The following COX7A2L variants were observed in gnomAD, a reference collection of about 807,000 sequenced individuals.
COX7A2L encodes cytochrome c oxidase subunit 7A2 like.
COX7A2L carries 18 observed loss-of-function variants against 14.2 expected under a neutral mutation model. The observed-to-expected ratio is 1.27, with a 90% CI of 0.88 to 1.88. The LOEUF is 1.88. COX7A2L is among the 40% of genes most tolerant of loss of function. The pLI is 0.00. For synonymous variants in COX7A2L, 65 were observed against 57.4 expected, an observed-to-expected ratio of 1.13 and a Z score of -0.60; for missense variants, 179 against 138.8, an observed-to-expected ratio of 1.29 and a Z score of -1.46.
intron 1 of COX7A2L, among the ~76,000 whole-genome samples, chr2:42,357,421 G>C (rs1023067711): frequency 6.6e-6 from 1 of 152,044 alleles, no homozygotes; most frequent in East Asian, 1.9e-4. Flanking sequence ...TGATCCTTCC[G>C]CGTCAGCCTC....
At chr2:42,365,213 G>A (rs377127199), upstream of COX7A2L, among the ~76,000 whole-genome samples, 9 of 152,312 alleles carry the variant, frequency 5.9e-5, no homozygotes, top group East Asian at 1.7e-3. Context: ...TCCAGTTTGG[G>A]GGACGGGTGG....
At chr2:42,356,176 G>A (rs1349596101) in intron 1 of COX7A2L, among the ~76,000 whole-genome samples, 1 of 152,100 alleles carries the variant, frequency 6.6e-6, no homozygotes, top group Non-Finnish European at 1.5e-5. Context: ...AGGTATCCAC[G>A]TGGCTTATAC....
In COX7A2L at chr2:42,351,231, G is replaced by A. The variant is rs1452118607; in HGVS notation, c.333C>T (p.Pro111=). ...TCTGCAGCCTAACTCATTTGTTTTTGGGCTGCGAAGCCATGTAGAGGGCGA... is the reference window on the plus strand; with the variant it reads ...TCTGCAGCCTAACTCATTTGTTTTTAGGCTGCGAAGCCATGTAGAGGGCGA... ...CLIALYMASQ[P]KNK Residue 111 remains proline, a synonymous_variant, in exon 3 of 3, where the codon CCC becomes CCT. Coordinates refer to ENST00000234301, the MANE Select transcript of COX7A2L (RefSeq NM_004718.4). 3 of 1,613,378 alleles carry A rather than the reference G, an allele frequency of 1.9e-6. No individual in the cohort carries two copies. The highest frequency in any genetic ancestry group is 2.7e-5 in the African/African-American group (2 of 74,878).
chr2:42,353,210 A>C lies in COX7A2L; in HGVS notation c.204+2T>G. On this transcript the variant is annotated splice_donor_variant, in intron 2 of 2. Transcript: ENST00000234301. LOFTEE classifies it high-confidence loss of function. ...TTTCTGTTGTAGAGTATCTTCCCTCACCTGGAAAAACTTTTGTAGCTCTGG... is the reference window on the plus strand; with the variant it reads ...TTTCTGTTGTAGAGTATCTTCCCTCCCCTGGAAAAACTTTTGTAGCTCTGG... The C allele has an allele frequency of 6.2e-7, 1 of 1,613,760 alleles. No individual in the cohort carries two copies. The highest frequency in any genetic ancestry group is 1.1e-5 in the South Asian group (1 of 90,942).
At chr2:42,362,749 C>A (rs531694995), upstream of COX7A2L, among the ~76,000 whole-genome samples, 4 of 152,096 alleles carry the variant, frequency 2.6e-5, no homozygotes, top group East Asian at 7.7e-4. Context: ...TCATGTAAGC[C>A]AGCCCAAAGT....
chr2:42,342,518 CCTT>C lies in COX7A2L; in HGVS notation c.193-8652_193-8650del, dbSNP rs1670420225. Among the ~76,000 whole-genome samples the C allele has an allele frequency of 6.6e-6, 1 of 152,168 alleles. No homozygotes were observed. The highest frequency in any genetic ancestry group is 2.4e-5 in the African/African-American group (1 of 41,432). On this transcript the variant is annotated intron_variant, in intron 2 of 2. Transcript: ENST00000468711. This position sits in a 1 kb window ranked among gnomAD's most constrained non-coding sequence, Gnocchi z 4.9. ...GCCCTTCCAAGGCTTCTTCCTAAAA[CCTT>C]CTCTGCCAAAGGGGAGGCAACGCCA...
Position 42,338,936 on chromosome 2 carries a change from C to T in COX7A2L, c.193-5067G>A, listed in dbSNP as rs1373802772. ...CTGGCGAGCTCAGCACATAAGAGAACGAGAGATTAGCTGTCCCTGCATCAG... is the reference window on the plus strand; with the variant it reads ...CTGGCGAGCTCAGCACATAAGAGAATGAGAGATTAGCTGTCCCTGCATCAG... On this transcript the variant is annotated intron_variant, in intron 2 of 2. Transcript: ENST00000468711. The surrounding 1 kb of genome is among the most constrained non-coding windows in gnomAD (Gnocchi z 4.4). Among the ~76,000 whole-genome samples, 6 of 152,210 alleles carry T rather than the reference C, an allele frequency of 3.9e-5. No individual in the cohort carries two copies. Among genetic ancestry groups the T allele is most frequent in the Non-Finnish European group, 8.8e-5 (6 of 68,040 alleles).
At chr2:42,367,578 T>C (rs2103924102) in intron 1 of COX7A2L, among the ~76,000 whole-genome samples, 1 of 152,286 alleles carries the variant, frequency 6.6e-6, no homozygotes, top group South Asian at 2.1e-4. Flanking sequence ...GGAGAGGGTA[T>C]GACATTCCCA....
intron 2 of COX7A2L, among the ~76,000 whole-genome samples, chr2:42,336,457 A>G (rs6733464): frequency 0.13 from 20,221 of 152,092 alleles, 1,338 homozygotes; most frequent in East Asian, 0.19. Context: ...TGAGTGCCCG[A>G]AGAAAGGGCC....
At chr2:42,353,372 T>C (rs1670711606) in intron 1 of COX7A2L, 29 bp from the exon 2 acceptor site, 3 of 1,611,552 alleles carry the variant, frequency 1.9e-6, no homozygotes, top group Non-Finnish European at 1.7e-6. Context: ...AAATGGCAAG[T>C]TGAAAGTATG....
intron 1 of COX7A2L, among the ~76,000 whole-genome samples, chr2:42,368,225 A>C (rs1321287866): frequency 6.6e-6 from 1 of 152,068 alleles, no homozygotes; most frequent in East Asian, 1.9e-4. Context: ...TTTTTTTATG[A>C]AGAATCTTTT....
rs893247157 is a variant in COX7A2L, at chr2:42,355,766, C to T, written c.73-2423G>A. ...TTTGAGACGGAATCTCGCTCTGTTG[C>T]CCTGGCTGGAGTGCAGTGGTGCAAT... On this transcript the variant is annotated intron_variant, in intron 1 of 2. Transcript: ENST00000234301. 3.2e-4 allele frequency among the ~76,000 whole-genome samples: 37 copies of T among 117,084 alleles called. No homozygotes were observed. In the Admixed American group the frequency reaches 3.3e-3, roughly 10 times the overall value. The allele number at this position is 117,084 out of a possible 152,430, so 76.8% of individuals were successfully genotyped here.
chr2:42,347,162 G>T (rs1670514370), downstream of COX7A2L, among the ~76,000 whole-genome samples: 1 of 152,160 alleles, frequency 6.6e-6, no homozygotes, highest in Admixed American at 6.5e-5. Context: ...ATGGCGCCCG[G>T]CCTAGTAAGG....
At position 42,360,481 on chromosome 2, in the gene COX7A2L, G is replaced by C. The variant is rs146538404; in HGVS notation, c.72+609C>G. ...CAATTGGTAGAATCTGCGTGAAATG[G>C]AATACTTTTCAGACAACCCAAACAA... is the stretch of plus-strand genomic sequence containing the variant. On this transcript the variant is annotated intron_variant, in intron 1 of 2. Transcript: ENST00000234301. Among the ~76,000 whole-genome samples the C allele has an allele frequency of 6.4e-3, 976 of 152,256 alleles. 15 individuals are homozygous for C. Among genetic ancestry groups the C allele is most frequent in the African/African-American group, 0.023 (935 of 41,544 alleles).
In COX7A2L at chr2:42,351,312, T is replaced by G. The variant is rs893598209; in HGVS notation, c.252A>C (p.Gln84His). ...PVYLKRGLPD[Q>H]MLYRTTMALT... ...GCGCCATGGTGGTCCGGTAAAGCAT[T>G]TGGTCAGGCAGGCCTCGTTTCAGGT... Residue 84 changes from glutamine to histidine, a missense_variant, in exon 3 of 3, where the codon CAA (glutamine) becomes CAC (histidine). Physicochemically the swap from Gln to His is conservative, Grantham distance 24 (BLOSUM62 0). Coordinates refer to ENST00000234301, the MANE Select transcript of COX7A2L (RefSeq NM_004718.4). The G allele has an allele frequency of 2.5e-6, 4 of 1,614,092 alleles. No homozygotes were observed. The highest frequency in any genetic ancestry group is 3.4e-6 in the Non-Finnish European group (4 of 1,180,018).
chr2:42,340,002 G>A (rs1025963310), intron 2 of COX7A2L, among the ~76,000 whole-genome samples: 4 of 151,960 alleles, frequency 2.6e-5, no homozygotes, highest in African/African-American at 4.8e-5. Flanking sequence ...GAACAATGTC[G>A]CAGACACCCC....
chr2:42,351,684 G>T (rs756772884), intron 2 of COX7A2L, among the ~76,000 whole-genome samples: 6 of 152,196 alleles, frequency 3.9e-5, no homozygotes, highest in Non-Finnish European at 8.8e-5. Context: ...AGAAGTGCAG[G>T]CAGGAGAGGC....
Position 42,360,934 on chromosome 2 carries a change from G to T in COX7A2L, c.72+156C>A, listed in dbSNP as rs1302069834. 4.1e-6 allele frequency: 3 copies of T among 739,224 alleles called. No individual in the cohort carries two copies. The African/African-American group carries it at 5.3e-5, about 13-fold the overall frequency. The allele number at this position is 739,224 out of a possible 1,614,324, so 45.8% of individuals were successfully genotyped here. On this transcript the variant is annotated intron_variant, in intron 1 of 2. Coordinates refer to ENST00000234301, the MANE Select transcript of COX7A2L (RefSeq NM_004718.4). ...ACAAAAAGAAGCCTCAGTGACCACC[G>T]TACGCTGGTGTGGAGAGGCCCCGGG...
Position 42,351,044 on chromosome 2 carries a change from C to T in COX7A2L, c.*175G>A. ...ACAATGGCTTTAACTGTCGAATGAG[C>T]TCTGACAAGCCATATGCATTTCATA... On this transcript the variant is annotated 3_prime_UTR_variant, in exon 3 of 3. Coordinates refer to ENST00000234301, the MANE Select transcript of COX7A2L (RefSeq NM_004718.4). 1 of 636,932 alleles carries T rather than the reference C, an allele frequency of 1.6e-6. No homozygotes were observed. The highest frequency in any genetic ancestry group is 2.6e-5 in the South Asian group (1 of 38,400). 39.5% of individuals were successfully genotyped at this position (636,932 alleles called of 1,614,324 possible). A position where few individuals can be genotyped will look rare whatever the true frequency, so the allele number is the denominator to read the frequency against.
Sources: gnomAD v4.1 joint callset for allele counts (sites outside exome capture counted in the v4.1 genomes callset) on GRCh38, gnomAD v4.1.1 for gene constraint, Gnocchi (gnomAD v3.1) non-coding constraint, MANE v1.5 for transcripts, NCBI Gene and HGNC (gene_info 2026-07-23, HGNC 2026-07-21) for gene names.